The following EIF2D variants were observed in gnomAD, a reference collection of about 807,000 sequenced individuals.
EIF2D encodes the protein eukaryotic translation initiation factor 2D, also known as hepatocellular carcinoma-associated antigen 56.
EIF2D carries 56 observed loss-of-function variants against 77.4 expected under a neutral mutation model. The observed-to-expected ratio is 0.72, with a 90% confidence interval of 0.58 to 0.90. The LOEUF (loss-of-function observed/expected upper bound fraction) is 0.90. EIF2D is among the 40% of genes least tolerant of loss of function. The pLI is 0.00. For missense variants in EIF2D, 574 were observed against 706.5 expected, an observed-to-expected ratio of 0.81 and a Z score of 2.13; for synonymous variants, 230 against 271.0, an observed-to-expected ratio of 0.85 and a Z score of 1.49.
In EIF2D at chr1:206,593,504, A is replaced by AGTGTGTGTGTGCGTGTGTGTGT. The variant is rs1476375070; in HGVS notation, c.1684+114_1684+115insACACACACACGCACACACACAC. 4.2e-5 allele frequency: 17 copies of AGTGTGTGTGTGCGTGTGTGTGT among 405,094 alleles called. No individual in the cohort carries two copies. In the South Asian group the frequency reaches 4.4e-4, roughly 10 times the overall value. 25.1% of individuals were successfully genotyped at this position (405,094 alleles called of 1,614,324 possible). A position where few individuals can be genotyped will look rare whatever the true frequency, so the allele number is the denominator to read the frequency against. The stretch of plus-strand genomic sequence containing the variant: ...GAGAGAGAGCGAGAGAGAGAGAGAG[A>AGTGTGTGTGTGCGTGTGTGTGT]GAGAGTGTGTGTGTGTGTGTGTGTG... On this transcript the variant is annotated intron_variant, in intron 14 of 14. Transcript: ENST00000271764.
chr1:206,587,160 C>T (rs781858707), downstream of EIF2D: 182 of 670,548 alleles, frequency 2.7e-4, 1 homozygote, highest in Non-Finnish European at 3.9e-4. Context: ...CAGCTGTGCC[C>T]GCCCCCAGGC....
At chr1:206,582,887 AAAG>A (rs1668948641) in intron 2 of EIF2D, among the ~76,000 whole-genome samples, 1 of 152,200 alleles carries the variant, frequency 6.6e-6, no homozygotes, top group Non-Finnish European at 1.5e-5. Context: ...CCATAGCATC[AAAG>A]AAGCATCTTT....
chr1:206,587,151 A>AGCTGTGCCCGCCCCCAG (rs570505466), downstream of EIF2D: 2 of 732,670 alleles, frequency 2.7e-6, no homozygotes, highest in African/African-American at 1.7e-5. Flanking sequence ...ACGAGGGTTC[A>AGCTGTGCCCGCCCCCAG]GCTGTGCCCG....
In EIF2D at chr1:206,592,497, G is replaced by A. The variant is rs1402174901; in HGVS notation, c.1685-652C>T. Among the ~76,000 whole-genome samples the A allele has an allele frequency of 1.3e-5, 2 of 152,158 alleles. No individual in the cohort carries two copies. The highest frequency in any genetic ancestry group is 2.4e-5 in the African/African-American group (1 of 41,446). ...TCTTAGGCAAGGGGATAGCCCAGGCGGAAGCACATGTGGGTGAACATGCAA... is the reference window on the plus strand; with the variant it reads ...TCTTAGGCAAGGGGATAGCCCAGGCAGAAGCACATGTGGGTGAACATGCAA... On this transcript the variant is annotated intron_variant, in intron 14 of 14. Transcript: ENST00000271764. The surrounding 1 kb of genome is among the most constrained non-coding windows in gnomAD (Gnocchi z 4.7).
intron 2 of EIF2D, 106 bp downstream of exon 2, chr1:206,611,078 T>C (rs1483023570): frequency 1.8e-6 from 2 of 1,106,444 alleles, no homozygotes; most frequent in Non-Finnish European, 2.6e-6. Context: ...TATTGGGAGA[T>C]TTCGTGCTTG....
downstream of EIF2D, chr1:206,591,617 T>G (rs1669339051): frequency 1.4e-6 from 1 of 697,672 alleles, no homozygotes; most frequent in Non-Finnish European, 2.4e-6. Flanking sequence ...TTTAGCTAAG[T>G]GGAGGAAACA....
intron 11 of EIF2D, among the ~76,000 whole-genome samples, chr1:206,597,711 G>A (rs782189195): frequency 6.6e-6 from 1 of 152,174 alleles, no homozygotes; most frequent in Non-Finnish European, 1.5e-5. Context: ...TTGGGACGCC[G>A]AGATGGGTGG....
At chr1:206,594,180 T>C in intron 13 of EIF2D, 1 of 154,160 alleles carries the variant, frequency 6.5e-6, no homozygotes. Context: ...CCCTGTCTAC[T>C]CCCCACTCCT....
downstream of EIF2D, among the ~76,000 whole-genome samples, chr1:206,569,604 C>G (rs1668385123): frequency 6.6e-6 from 1 of 152,232 alleles, no homozygotes; most frequent in African/African-American, 2.4e-5. Flanking sequence ...ACAGCCATCT[C>G]AAATTATGTC....
chr1:206,596,084 G>A (rs542916082), intron 12 of EIF2D, among the ~76,000 whole-genome samples: 5 of 152,314 alleles, frequency 3.3e-5, no homozygotes, highest in East Asian at 1.9e-4. Flanking sequence ...CTGATTCAAA[G>A]ATGGGAACAT....
At chr1:206,577,206 T>G (rs1668688838) in intron 4 of EIF2D, among the ~76,000 whole-genome samples, 2 of 152,202 alleles carry the variant, frequency 1.3e-5, no homozygotes, top group Non-Finnish European at 2.9e-5. Flanking sequence ...CTGCGTGGCC[T>G]GCAAAACCTA....
chr1:206,599,770 C>G lies in EIF2D; in HGVS notation c.1015G>C (p.Val339Leu). The change falls in exon 9 of 15, where the codon GTG becomes CTG. Residue 339 changes from valine to leucine, a missense_variant. Val to Leu is a conservative substitution (Grantham distance 32). Transcript: ENST00000271764. The surrounding 1 kb of genome is among the most constrained non-coding windows in gnomAD (Gnocchi z 4.1). ...IIQVKELSKGVESIVAVDWKH... is the reference protein window; with the variant it reads ...IIQVKELSKGLESIVAVDWKH... Reference sequence around the variant, plus strand: ...CAGTCCACAGCCACAATGCTCTCCACCCCTTTGCTCAGCTCCTTCACCTGT... The same window carrying G: ...CAGTCCACAGCCACAATGCTCTCCAGCCCTTTGCTCAGCTCCTTCACCTGT... The G allele has an allele frequency of 6.2e-7, 1 of 1,614,192 alleles. No homozygotes were observed. Among genetic ancestry groups the G allele is most frequent in the Non-Finnish European group, 8.5e-7 (1 of 1,180,032 alleles).
At chr1:206,596,503 C>T (rs1403764893) in intron 12 of EIF2D, among the ~76,000 whole-genome samples, 5 of 152,146 alleles carry the variant, frequency 3.3e-5, no homozygotes, top group Non-Finnish European at 5.9e-5. Flanking sequence ...CAGATTTGAC[C>T]CATGGGCTGT....
chr1:206,598,198 C>T (rs781982084), intron 11 of EIF2D, among the ~76,000 whole-genome samples: 9 of 151,848 alleles, frequency 5.9e-5, no homozygotes, highest in South Asian at 2.1e-4. Flanking sequence ...CTACCATGCC[C>T]GGCTAATTTT....
intron 4 of EIF2D, among the ~76,000 whole-genome samples, chr1:206,580,330 G>C (rs996768490): frequency 6.6e-6 from 1 of 152,194 alleles, no homozygotes; most frequent in Non-Finnish European, 1.5e-5. Context: ...AGATCTTTCC[G>C]AAGCTTCTAG....
rs782685927 is a variant in EIF2D at position 206,591,836 on chromosome 1, T to C, written c.1694A>G (p.Gln565Arg). The C allele has an allele frequency of 1.2e-6, 2 of 1,614,122 alleles. No individual in the cohort carries two copies. Among genetic ancestry groups the C allele is most frequent in the Admixed American group, 1.7e-5 (1 of 60,018 alleles). ...ACCTTGGATGTGTTTTCGAGGGAGC[T>C]GATACTCTTCTACAATCCAAAAAGC... Reference protein sequence around the residue: ...HLGWLLLEEYQLPRKHIQGLE... With the variant: ...HLGWLLLEEYRLPRKHIQGLE... Residue 565 changes from glutamine (Q) to arginine (R), a missense_variant, in exon 15 of 15, where the codon CAG becomes CGG. Physicochemically the swap from Gln to Arg is conservative, Grantham distance 43. Coordinates refer to ENST00000271764, the MANE Select transcript of EIF2D (RefSeq NM_006893.3).
intron 4 of EIF2D, among the ~76,000 whole-genome samples, chr1:206,576,382 C>A (rs1668660313): frequency 6.6e-6 from 1 of 152,236 alleles, no homozygotes; most frequent in Admixed American, 6.5e-5. Context: ...TGTCTACCTC[C>A]ATCCCTACCC....
rs1553409947 is a variant in EIF2D at position 206,595,841 on chromosome 1, G to A, written c.1389-3C>T. 8 of 1,613,854 alleles carry A rather than the reference G, an allele frequency of 5.0e-6. No homozygotes were observed. In the East Asian group the frequency reaches 1.8e-4, roughly 36 times the overall value. On this transcript the variant is annotated splice_region_variant and splice_polypyrimidine_tract_variant and intron_variant, in intron 12 of 14. Transcript: ENST00000271764. ...CAGGCTGTAATTTTTCCAAACACCTGAAACAGAAGTTATGAGTTGCAAACT... is the reference window on the plus strand; with the variant it reads ...CAGGCTGTAATTTTTCCAAACACCTAAAACAGAAGTTATGAGTTGCAAACT...
chr1:206,593,369 CT>C (rs1421650542), intron 14 of EIF2D, among the ~76,000 whole-genome samples: 1 of 151,934 alleles, frequency 6.6e-6, no homozygotes, highest in Non-Finnish European at 1.5e-5. Flanking sequence ...GAAAACTACT[CT>C]AATAGTGGAA....
Sources: allele counts gnomAD v4.1 joint callset (sites outside exome capture counted in the v4.1 genomes callset), GRCh38; gene constraint gnomAD v4.1.1; non-coding constraint Gnocchi (gnomAD v3.1); transcripts MANE v1.5; gene names NCBI Gene and HGNC (gene_info 2026-07-23, HGNC 2026-07-21).